Variants in SLC8A3 observed in about 807,000 individuals in gnomAD.
The protein encoded by SLC8A3 is solute carrier family 8 member A3.
In SLC8A3, 37 loss-of-function variants were observed where a neutral mutation model predicts 65.4. The observed-to-expected ratio is 0.57, with a 90% CI of 0.44 to 0.74. SLC8A3 has a LOEUF of 0.74. Ranked by LOEUF, SLC8A3 falls within the 30% of genes least tolerant of loss-of-function variation. The pLI is 0.00. For synonymous variants in SLC8A3, 461 were observed against 444.5 expected (o/e 1.04, Z -0.47); for missense variants, 1,112 against 1,172.1 (o/e 0.95, Z 0.75).
chr14:70,127,307 T>C (rs561148307), intron 2 of SLC8A3, among the ~76,000 whole-genome samples: 59 of 151,960 alleles, frequency 3.9e-4, no homozygotes, highest in African/African-American at 1.4e-3. Flanking sequence ...TATTGTGGAG[T>C]TGGTAAAGGT....
chr14:70,055,967 A>C (rs10142899), intron 3 of SLC8A3, among the ~76,000 whole-genome samples: 66,479 of 152,082 alleles, frequency 0.44, 14,570 homozygotes, highest in African/African-American at 0.49. Flanking sequence ...ACGCAAAAAG[A>C]AGCCTTTGGA....
At chr14:70,114,754 G>GTGC (rs979409026) in intron 2 of SLC8A3, among the ~76,000 whole-genome samples, 13 of 152,310 alleles carry the variant, frequency 8.5e-5, no homozygotes, top group African/African-American at 3.1e-4. Flanking sequence ...CAGCATGACT[G>GTGC]TGCTACCTGA....
chr14:70,167,507 C>T lies in SLC8A3; in HGVS notation c.916G>A (p.Gly306Arg). 1 of 1,614,066 alleles carries T rather than the reference C, an allele frequency of 6.2e-7. No homozygotes were observed. Among genetic ancestry groups the T allele is most frequent in the Non-Finnish European group, 8.5e-7 (1 of 1,180,038 alleles). ...FLDGNLVPLE[G>R]KEVDESRREM... ...CTGCGGGACTCATCCACTTCCTTCC[C>T]TTCCAGGGGCACCAGGTTCCCATCT... The change falls in exon 2 of 7, where the codon GGG becomes AGG. Residue 306 changes from glycine (G) to arginine (R), a missense_variant. Transcript: ENST00000356921.
intron 2 of SLC8A3, among the ~76,000 whole-genome samples, chr14:70,163,560 A>C (rs1171373222): frequency 1.3e-5 from 2 of 152,210 alleles, no homozygotes; most frequent in Non-Finnish European, 2.9e-5. Context: ...AACTTTGTCC[A>C]AGTACCCTGA....
intron 2 of SLC8A3, among the ~76,000 whole-genome samples, chr14:70,081,109 C>T (rs1007517752): frequency 9.9e-5 from 15 of 152,274 alleles, no homozygotes; most frequent in Admixed American, 5.2e-4. Flanking sequence ...CCAAACAAAG[C>T]GGATACAAGC....
chr14:70,159,410 C>CAAAA lies in SLC8A3; in HGVS notation c.1784+7225_1784+7228dup, dbSNP rs5809471. Among the ~76,000 whole-genome samples the CAAAA allele has an allele frequency of 7.6e-3, 1,012 of 133,354 alleles. 9 individuals are homozygous for CAAAA. Among genetic ancestry groups the CAAAA allele is most frequent in the African/African-American group, 0.016 (565 of 35,784 alleles). 87.5% of individuals were successfully genotyped at this position (133,354 alleles called of 152,430 possible). A position where few individuals can be genotyped will look rare whatever the true frequency, so the allele number is the denominator to read the frequency against. ...CCTGGGCAACAGAGCAAGACTCTGTCAAAAAAAAAAAAAACAAAAAAAACC... is the reference window on the plus strand; with the variant it reads ...CCTGGGCAACAGAGCAAGACTCTGTCAAAAAAAAAAAAAAAAAACAAAAAAAACC... On this transcript the variant is annotated intron_variant, in intron 2 of 6. Transcript: ENST00000356921.
At chr14:70,164,815 T>G (rs1006306808) in intron 2 of SLC8A3, among the ~76,000 whole-genome samples, 3 of 152,184 alleles carry the variant, frequency 2.0e-5, no homozygotes, top group Admixed American at 2.0e-4. Flanking sequence ...GCGATAATCA[T>G]GTGAAATTCC....
In SLC8A3 at chr14:70,137,026, A is replaced by G. The variant is rs1263363058; in HGVS notation, c.1784+29613T>C. Among the ~76,000 whole-genome samples, 7 of 152,370 alleles carry G rather than the reference A, an allele frequency of 4.6e-5. No individual in the cohort carries two copies. In the East Asian group the frequency reaches 1.2e-3, roughly 25 times the overall value. On this transcript the variant is annotated intron_variant, in intron 2 of 6. Transcript: ENST00000356921. ...GAAGTATAGAAGGGCTAATCAATGT[A>G]GGTAATACTATACCTCATTAGAGTC...
intron 2 of SLC8A3, among the ~76,000 whole-genome samples, chr14:70,085,480 G>T (rs1326597855): frequency 1.3e-5 from 2 of 152,092 alleles, no homozygotes; most frequent in Non-Finnish European, 1.5e-5. Context: ...GATGCCCCAA[G>T]GCCCTTCTCT....
rs544725972 is a variant in SLC8A3 at position 70,095,637 on chromosome 14, C to T, written c.1785-34698G>A. Reference sequence around the variant, plus strand: ...ATGTGGAGTTTTAAGGATACTATGGCTGCCTGAAACAACGATATGTAAACT... The same window carrying T: ...ATGTGGAGTTTTAAGGATACTATGGTTGCCTGAAACAACGATATGTAAACT... On this transcript the variant is annotated intron_variant, in intron 2 of 6. Transcript: ENST00000356921. 4.3e-4 allele frequency among the ~76,000 whole-genome samples: 66 copies of T among 152,326 alleles called. No individual in the cohort carries two copies. The Middle Eastern group carries it at 0.031, about 71-fold the overall frequency.
intron 3 of SLC8A3, among the ~76,000 whole-genome samples, chr14:70,052,348 G>A (rs1198528425): frequency 6.6e-6 from 1 of 152,132 alleles, no homozygotes; most frequent in Non-Finnish European, 1.5e-5. Flanking sequence ...ATACCTGGGT[G>A]GACAACCTGA....
At chr14:70,172,646 C>T (rs1047147151) in intron 1 of SLC8A3, among the ~76,000 whole-genome samples, 2 of 150,072 alleles carry the variant, frequency 1.3e-5, no homozygotes, top group African/African-American at 4.9e-5. Context: ...CTGTGATTTG[C>T]TAGACCTGGT....
At chr14:70,152,302 C>T (rs74365519) in intron 2 of SLC8A3, among the ~76,000 whole-genome samples, 1,991 of 152,226 alleles carry the variant, frequency 0.013, 20 homozygotes, top group Non-Finnish European at 0.018. Context: ...TCCCACATCC[C>T]GCCAACACCT....
Position 70,167,895 on chromosome 14 carries a change from G to A in SLC8A3, c.528C>T (p.Phe176=). ...AGATGCCAATGATGATGAACATGTTGAAGGCTGCACTCCCTACAATGGTAG... is the reference window on the plus strand; with the variant it reads ...AGATGCCAATGATGATGAACATGTTAAAGGCTGCACTCCCTACAATGGTAG... ...GPSTIVGSAA[F]NMFIIIGICV... is the part of the protein sequence containing the mutation. The change falls in exon 2 of 7, where the codon TTC becomes TTT. Residue 176 remains phenylalanine, a synonymous_variant. Coordinates refer to ENST00000356921, the MANE Select transcript of SLC8A3 (RefSeq NM_182932.3). The A allele has an allele frequency of 1.9e-6, 3 of 1,614,166 alleles. No individual in the cohort carries two copies. The highest frequency in any genetic ancestry group is 2.2e-5 in the South Asian group (2 of 91,080).
In SLC8A3 at chr14:70,154,148, G is replaced by A. The variant is rs185172921; in HGVS notation, c.1784+12491C>T. Reference sequence around the variant, plus strand: ...GAAGCCAACTCCTTAAAGAAGAAACGTAGAATGCATTCTTAACTTCCTACA... The same window carrying A: ...GAAGCCAACTCCTTAAAGAAGAAACATAGAATGCATTCTTAACTTCCTACA... On this transcript the variant is annotated intron_variant, in intron 2 of 6. Coordinates refer to ENST00000356921, the MANE Select transcript of SLC8A3 (RefSeq NM_182932.3). 1.2e-3 allele frequency among the ~76,000 whole-genome samples: 188 copies of A among 152,300 alleles called. 4 individuals are homozygous for A. The highest frequency in any genetic ancestry group is 0.012 in the Admixed American group (181 of 15,300).
intron 2 of SLC8A3, among the ~76,000 whole-genome samples, chr14:70,138,976 GGGATGTTGGAT>G (rs1566805304): frequency 1.3e-5 from 2 of 152,202 alleles, no homozygotes; most frequent in Non-Finnish European, 2.9e-5. Flanking sequence ...CATATTTAAT[GGGATGTTGGAT>G]GGAACTTTTC....
chr14:70,112,012 T>C (rs1267046698), intron 2 of SLC8A3, among the ~76,000 whole-genome samples: 3 of 152,182 alleles, frequency 2.0e-5, no homozygotes, highest in Non-Finnish European at 4.4e-5. Flanking sequence ...TCAGCTTGGG[T>C]CTTCTGCAGA....
At chr14:70,109,707 C>T (rs974805290) in intron 2 of SLC8A3, among the ~76,000 whole-genome samples, 2 of 152,138 alleles carry the variant, frequency 1.3e-5, no homozygotes, top group Non-Finnish European at 2.9e-5. Flanking sequence ...CTGCCTGCCT[C>T]AGCCTCCCAA....
At position 70,167,507 on chromosome 14, in the gene SLC8A3, C is replaced by G; in HGVS notation, c.916G>C (p.Gly306Arg). Residue 306 changes from glycine to arginine, a missense_variant, in exon 2 of 7, where the codon GGG (glycine) becomes CGG (arginine). Coordinates refer to ENST00000356921, the MANE Select transcript of SLC8A3 (RefSeq NM_182932.3). Reference protein sequence around the residue: ...FLDGNLVPLEGKEVDESRREM... With the variant: ...FLDGNLVPLERKEVDESRREM... ...CTGCGGGACTCATCCACTTCCTTCCCTTCCAGGGGCACCAGGTTCCCATCT... is the reference window on the plus strand; with the variant it reads ...CTGCGGGACTCATCCACTTCCTTCCGTTCCAGGGGCACCAGGTTCCCATCT... 6.2e-7 allele frequency: 1 copy of G among 1,614,066 alleles called. No homozygotes were observed.
Sources: gnomAD v4.1 joint callset for allele counts (sites outside exome capture counted in the v4.1 genomes callset) on GRCh38, gnomAD v4.1.1 for gene constraint, MANE v1.5 for transcripts, NCBI Gene and HGNC (gene_info 2026-07-23, HGNC 2026-07-21) for gene names.